Variants in KRT36 observed in about 807,000 individuals in gnomAD.
The protein encoded by KRT36 is keratin 36, also known as keratin, type I cuticular Ha6.
Under a neutral mutation model 43.0 loss-of-function variants are expected in KRT36, and 41 were observed. The observed-to-expected ratio is 0.95, with a 90% CI of 0.74 to 1.24. The LOEUF (loss-of-function observed/expected upper bound fraction) is 1.24. Ranked by LOEUF, KRT36 falls within the 50% of genes most tolerant of loss-of-function variation. The pLI is 0.00. For synonymous variants in KRT36, 277 were observed against 252.9 expected (o/e 1.10, Z -0.90); for missense variants, 627 against 595.3 (o/e 1.05, Z -0.55).
rs775966538 is a variant in KRT36 at position 41,486,930 on chromosome 17, C to T, written c.1208+20G>A. The T allele has an allele frequency of 1.2e-6, 2 of 1,605,858 alleles. No homozygotes were observed. Among genetic ancestry groups the T allele is most frequent in the Non-Finnish European group, 1.7e-6 (2 of 1,177,098 alleles). The stretch of plus-strand genomic sequence containing the variant: ...ACTGAGGGTTCAGTCAAGCCCTACC[C>T]CAGCCCAAGGGCCACTCACTTGCAG... On this transcript the variant is annotated intron_variant, in intron 6 of 6. Transcript: ENST00000328119.
At position 41,488,376 on chromosome 17, in the gene KRT36, C is replaced by T. The variant is rs780398928; in HGVS notation, c.566G>A (p.Arg189Gln). ...RTKYETELSL[R>Q]QLVEADINGL... ...GTTGATGTCGGCCTCCACTAGCTGC[C>T]GCAGAGACAGCTCTGTCTCATACCT... Residue 189 changes from arginine (R) to glutamine (Q), a missense_variant, in exon 3 of 7, where the codon CGG (arginine) becomes CAG (glutamine). Arg to Gln is a conservative substitution (Grantham distance 43). Coordinates refer to ENST00000328119, the MANE Select transcript of KRT36 (RefSeq NM_003771.5). The T allele has an allele frequency of 6.8e-6, 11 of 1,614,122 alleles. No homozygotes were observed. Among genetic ancestry groups the T allele is most frequent in the Non-Finnish European group, 8.5e-6 (10 of 1,179,996 alleles).
In KRT36 at chr17:41,486,629, G is replaced by T. The variant is rs537966191; in HGVS notation, c.1209-58C>A. On this transcript the variant is annotated intron_variant, in intron 6 of 6. Coordinates refer to ENST00000328119, the MANE Select transcript of KRT36 (RefSeq NM_003771.5). ...GCATCGGAGCACTGGGCTGAGATTCGTGTTAAACAGATCTAGAGGATCAAG... is the reference window on the plus strand; with the variant it reads ...GCATCGGAGCACTGGGCTGAGATTCTTGTTAAACAGATCTAGAGGATCAAG... The T allele has an allele frequency of 1.2e-4, 160 of 1,332,500 alleles. 1 individual carries two copies. The South Asian group carries it at 2.2e-3, about 18-fold the overall frequency. 82.5% of individuals were successfully genotyped at this position (1,332,500 alleles called of 1,614,324 possible). A position where few individuals can be genotyped will look rare whatever the true frequency, so the allele number is the denominator to read the frequency against.
Position 41,489,846 on chromosome 17 carries a change from T to G in KRT36, c.19A>C (p.Thr7Pro), listed in dbSNP as rs1597755891. ...ATAGACCCAGTGGAGAAGGTAGGGG[T>G]GCAGGTCTGGGTGGCCATGGTGCTA... is the stretch of plus-strand genomic sequence containing the variant. MATQTC[T>P]PTFSTGSIKG... Residue 7 changes from threonine to proline, a missense_variant, in exon 1 of 7, where the codon ACC (threonine) becomes CCC (proline). Physicochemically the swap from Thr to Pro is conservative, Grantham distance 38 (BLOSUM62 -1). Coordinates refer to ENST00000328119, the MANE Select transcript of KRT36 (RefSeq NM_003771.5). 6.2e-7 allele frequency: 1 copy of G among 1,612,310 alleles called. No homozygotes were observed. The highest frequency in any genetic ancestry group is 1.1e-5 in the South Asian group (1 of 91,012).
intron 3 of KRT36, 80 bp from the exon 4 acceptor site, chr17:41,487,817 T>G: frequency 7.9e-6 from 11 of 1,396,564 alleles, no homozygotes; most frequent in South Asian, 1.3e-5. Flanking sequence ...ATTCAAACCC[T>G]CTTCCCTCAG....
chr17:41,488,806 GC>G, intron 1 of KRT36, 82 bp from the exon 2 acceptor site: 28 of 1,149,598 alleles, frequency 2.4e-5, no homozygotes, highest in Non-Finnish European at 3.4e-5. Flanking sequence ...GCTCACAGAG[GC>G]CATGCCACTG....
At chr17:41,489,219 A>C (rs1037547362) in intron 1 of KRT36, among the ~76,000 whole-genome samples, 187 bp downstream of exon 1, 1 of 152,180 alleles carries the variant, frequency 6.6e-6, no homozygotes, top group African/African-American at 2.4e-5. Context: ...GGCTGGCAAC[A>C]AGGTACAAGC....
At chr17:41,487,320 G>T in intron 5 of KRT36, 31 bp downstream of exon 5, 1 of 1,603,096 alleles carries the variant, frequency 6.2e-7, no homozygotes, top group Non-Finnish European at 8.5e-7. Flanking sequence ...GCCACAGGCC[G>T]TGGCCAGCGA....
Position 41,489,646 on chromosome 17 carries a change from G to T in KRT36, c.219C>A (p.His73Gln). ...CCCCGCTCCCCACAAAGCCAGAGGT[G>T]TGGCACTCAGAAGACAGGTAGGAGC... Reference protein sequence around the residue: ...LPGSYLSSECHTSGFVGSGGW... With the variant: ...LPGSYLSSECQTSGFVGSGGW... Residue 73 changes from histidine (H) to glutamine (Q), a missense_variant, in exon 1 of 7, where the codon CAC becomes CAA. His to Gln is a conservative substitution (Grantham distance 24). Transcript: ENST00000328119. 6.2e-7 allele frequency: 1 copy of T among 1,614,232 alleles called. No homozygotes were observed. The highest frequency in any genetic ancestry group is 8.5e-7 in the Non-Finnish European group (1 of 1,180,052).
chr17:41,488,272 G>T lies in KRT36; in HGVS notation c.670C>A (p.Leu224Met). ...EAQVESLKEE[L>M]MCLKKNHEEE... The stretch of plus-strand genomic sequence containing the variant: ...TCGTGATTCTTCTTGAGGCACATCA[G>T]CTCCTCCTTCAGGGACTCCACCTGA... Residue 224 changes from leucine to methionine, a missense_variant, in exon 3 of 7, where the codon CTG becomes ATG. Coordinates refer to ENST00000328119, the MANE Select transcript of KRT36 (RefSeq NM_003771.5). The T allele has an allele frequency of 6.2e-7, 1 of 1,614,126 alleles. No individual in the cohort carries two copies. Among genetic ancestry groups the T allele is most frequent in the Non-Finnish European group, 8.5e-7 (1 of 1,179,996 alleles).
intron 1 of KRT36, 62 bp downstream of exon 1, chr17:41,489,344 A>C: frequency 6.5e-7 from 1 of 1,537,850 alleles, no homozygotes; most frequent in Admixed American, 1.8e-5. Flanking sequence ...AGGCCCTGGA[A>C]TGAGACAGAC....
At position 41,486,502 on chromosome 17, in the gene KRT36, G is replaced by A. The variant is rs766767918; in HGVS notation, c.1278C>T (p.Pro426=). 1.2e-6 allele frequency: 2 copies of A among 1,611,742 alleles called. No homozygotes were observed. The highest frequency in any genetic ancestry group is 1.7e-5 in the Admixed American group (1 of 59,418). ...GGGTGCAGGGCACAGAGGGGACACA[G>A]GGCACCGGGGGGACAGAAGGAACTC... The part of the protein sequence containing the change: ...VIRVPSVPPV[P]CVPSVPCTPA... The change falls in exon 7 of 7, where the codon CCC becomes CCT. Residue 426 remains proline (P), a synonymous_variant. Transcript: ENST00000328119.
Position 41,488,294 on chromosome 17 carries a change from C to T in KRT36, c.648G>A (p.Gln216=). ...TCAGCTCCTCCTTCAGGGACTCCAC[C>T]TGAGCCTCCAGGTCAGCCTTGCACA... ...LTLCKADLEA[Q]VESLKEELMC... The change falls in exon 3 of 7, where the codon CAG becomes CAA. Residue 216 remains glutamine, a synonymous_variant. Transcript: ENST00000328119. 3 of 1,614,198 alleles carry T rather than the reference C, an allele frequency of 1.9e-6. No individual in the cohort carries two copies. Among genetic ancestry groups the T allele is most frequent in the Non-Finnish European group, 2.5e-6 (3 of 1,180,024 alleles).
rs369778278 is a variant in KRT36, at chr17:41,487,555, C to A, written c.861+21G>T. 3 of 1,613,020 alleles carry A rather than the reference C, an allele frequency of 1.9e-6. No homozygotes were observed. In the African/African-American group the frequency reaches 4.0e-5, roughly 22 times the overall value. On this transcript the variant is annotated intron_variant, in intron 4 of 6. Coordinates refer to ENST00000328119, the MANE Select transcript of KRT36 (RefSeq NM_003771.5). Reference sequence around the variant, plus strand: ...TAACCCCAGCCCAGGAGCCTGTGGTCCCAGGGCACCCCAGCCCCACCTGGG... The same window carrying A: ...TAACCCCAGCCCAGGAGCCTGTGGTACCAGGGCACCCCAGCCCCACCTGGG...
rs1201251531 is a variant in KRT36, at chr17:41,487,557, C to T, written c.861+19G>A. 6.2e-7 allele frequency: 1 copy of T among 1,613,320 alleles called. No individual in the cohort carries two copies. Among genetic ancestry groups the T allele is most frequent in the Admixed American group, 1.7e-5 (1 of 59,986 alleles). On this transcript the variant is annotated intron_variant, in intron 4 of 6. Coordinates refer to ENST00000328119, the MANE Select transcript of KRT36 (RefSeq NM_003771.5). ...ACCCCAGCCCAGGAGCCTGTGGTCC[C>T]AGGGCACCCCAGCCCCACCTGGGTG...
Position 41,489,723 on chromosome 17 carries a change from A to T in KRT36, c.142T>A (p.Tyr48Asn), listed in dbSNP as rs746975955. The T allele has an allele frequency of 1.2e-6, 2 of 1,614,078 alleles. No homozygotes were observed. Among genetic ancestry groups the T allele is most frequent in the East Asian group, 4.5e-5 (2 of 44,872 alleles). Residue 48 changes from tyrosine (Y) to asparagine (N), a missense_variant, in exon 1 of 7, where the codon TAC becomes AAC. Physicochemically the swap from Tyr to Asn is moderately radical, Grantham distance 143. Coordinates refer to ENST00000328119, the MANE Select transcript of KRT36 (RefSeq NM_003771.5). The stretch of plus-strand genomic sequence containing the variant: ...AGGCCCGACCTAGCAGAAGAGATGT[A>T]CCCTGCAGCACCGGCGAGACTGGGG... ...RVPSLAGAAG[Y>N]ISSARSGLSG...
intron 3 of KRT36, 47 bp from the exon 4 acceptor site, chr17:41,487,784 G>C (rs748144445): frequency 5.8e-5 from 91 of 1,563,618 alleles, no homozygotes; most frequent in Non-Finnish European, 7.6e-5. Flanking sequence ...AAAGATGCTG[G>C]ATTGCAGGTT....
At position 41,488,732 on chromosome 17, in the gene KRT36, A is replaced by G; in HGVS notation, c.460-8T>C. On this transcript the variant is annotated splice_polypyrimidine_tract_variant and splice_region_variant and intron_variant, in intron 1 of 6. Transcript: ENST00000328119. ...AGACTTAGTCAGCAGGATCTGGGGAACAAGAGGCTTCCCATAAGCTACAGG... is the reference window on the plus strand; with the variant it reads ...AGACTTAGTCAGCAGGATCTGGGGAGCAAGAGGCTTCCCATAAGCTACAGG... The G allele has an allele frequency of 6.2e-7, 1 of 1,613,508 alleles. No homozygotes were observed. The highest frequency in any genetic ancestry group is 8.5e-7 in the Non-Finnish European group (1 of 1,179,522).
chr17:41,486,648 G>GA, intron 6 of KRT36, 77 bp from the exon 7 acceptor site: 1 of 1,179,040 alleles, frequency 8.5e-7, no homozygotes, highest in Non-Finnish European at 1.2e-6. Context: ...AGATCTAGAG[G>GA]ATCAAGCGAG....
intron 3 of KRT36, among the ~76,000 whole-genome samples, 155 bp from the exon 4 acceptor site, chr17:41,487,892 A>G (rs191417568): frequency 1.3e-5 from 2 of 152,330 alleles, no homozygotes; most frequent in South Asian, 2.1e-4. Flanking sequence ...CCTTCTCCGT[A>G]TATACCTACC....
Sources: gnomAD v4.1 joint callset for allele counts (sites outside exome capture counted in the v4.1 genomes callset) on GRCh38, gnomAD v4.1.1 for gene constraint, MANE v1.5 for transcripts, NCBI Gene and HGNC (gene_info 2026-07-23, HGNC 2026-07-21) for gene names.